TGFBR3: variants seen among roughly 807,000 people sequenced by gnomAD.
The protein encoded by TGFBR3 is transforming growth factor beta receptor type 3.
TGFBR3 carries 46 observed loss-of-function variants against 87.9 expected under a neutral mutation model. That is an observed-to-expected ratio of 0.52 (90% confidence interval 0.41 to 0.67). TGFBR3 has a LOEUF of 0.67. Ranked by LOEUF, TGFBR3 falls within the 30% of genes least tolerant of loss-of-function variation. The pLI is 0.00. For synonymous variants in TGFBR3, 381 were observed against 391.6 expected, an observed-to-expected ratio of 0.97 and a Z score of 0.32; for missense variants, 866 against 1,041.9, an observed-to-expected ratio of 0.83 and a Z score of 2.32.
chr1:91,845,730 A>T (rs1677442996), intron 2 of TGFBR3, among the ~76,000 whole-genome samples: 1 of 152,202 alleles, frequency 6.6e-6, no homozygotes, highest in Non-Finnish European at 1.5e-5. Flanking sequence ...TTTTTTAAAC[A>T]GCATCTTCCA....
rs115255978 is a variant in TGFBR3, at chr1:91,686,266, C to T, written c.2438-2409G>A. On this transcript the variant is annotated intron_variant, in intron 16 of 16. Coordinates refer to ENST00000212355, the MANE Select transcript of TGFBR3 (RefSeq NM_003243.5). Reference sequence around the variant, plus strand: ...GTTGCCATGTCAGTTTATTTTCATCCGTGCCCATTAAAGAGACCTTTCAAC... The same window carrying T: ...GTTGCCATGTCAGTTTATTTTCATCTGTGCCCATTAAAGAGACCTTTCAAC... 3.5e-3 allele frequency among the ~76,000 whole-genome samples: 540 copies of T among 152,296 alleles called. 3 individuals carry two copies. The highest frequency in any genetic ancestry group is 0.011 in the African/African-American group (469 of 41,546).
At chr1:91,854,109 A>C (rs1677846648) in intron 2 of TGFBR3, among the ~76,000 whole-genome samples, 2 of 152,164 alleles carry the variant, frequency 1.3e-5, no homozygotes, top group African/African-American at 4.8e-5. Flanking sequence ...TGTTGGTCAA[A>C]TATACAAAAT....
At chr1:91,702,721 T>A (rs984992277) in intron 14 of TGFBR3, among the ~76,000 whole-genome samples, 7 of 151,916 alleles carry the variant, frequency 4.6e-5, no homozygotes, top group Admixed American at 1.3e-4. Flanking sequence ...TGTATATATT[T>A]GAAATTTTTC....
chr1:91,880,418 T>C (rs1679033778), intron 1 of TGFBR3, among the ~76,000 whole-genome samples: 1 of 151,972 alleles, frequency 6.6e-6, no homozygotes, highest in East Asian at 1.9e-4. Flanking sequence ...GCTAACACGG[T>C]GAAACCCTGT....
At chr1:91,719,755 G>A in intron 9 of TGFBR3, 138 bp downstream of exon 9, 1 of 994,058 alleles carries the variant, frequency 1.0e-6, no homozygotes, top group Non-Finnish European at 1.6e-6. Flanking sequence ...AGGGGAAGTA[G>A]GCCCATCCAA....
intron 4 of TGFBR3, among the ~76,000 whole-genome samples, chr1:91,746,247 T>G (rs1673341385): frequency 6.6e-6 from 1 of 152,168 alleles, no homozygotes; most frequent in South Asian, 2.1e-4. Flanking sequence ...CATGTGAGTG[T>G]GTATATACAC....
At position 91,797,379 on chromosome 1, in the gene TGFBR3, A is replaced by G. The variant is rs1675431764; in HGVS notation, c.154T>C (p.Cys52Arg). 1 of 1,614,262 alleles carries G rather than the reference A, an allele frequency of 6.2e-7. No homozygotes were observed. The highest frequency in any genetic ancestry group is 8.5e-7 in the Non-Finnish European group (1 of 1,180,046). ...AGCCCAGTTGTGCCTCTGCTGGCAC[A>G]GCCTGACAAAACAGTGAAGCTCTCC... ...LMESFTVLSG[C>R]ASRGTTGLPQ... Residue 52 changes from cysteine to arginine, a missense_variant, in exon 3 of 17, where the codon TGT becomes CGT. Physicochemically the swap from Cys to Arg is radical, Grantham distance 180. Transcript: ENST00000212355.
intron 1 of TGFBR3, among the ~76,000 whole-genome samples, chr1:91,902,609 T>C (rs1679752442): frequency 6.6e-6 from 1 of 151,714 alleles, no homozygotes; most frequent in Non-Finnish European, 1.5e-5. Flanking sequence ...TTTTTTCTTT[T>C]CTTTCTTTTT....
intron 4 of TGFBR3, among the ~76,000 whole-genome samples, chr1:91,742,332 G>A (rs369143704): frequency 2.6e-5 from 4 of 152,276 alleles, no homozygotes. Context: ...GAATCCCTTG[G>A]GCCTGGCATA....
chr1:91,785,396 T>C (rs1674920037), intron 3 of TGFBR3, among the ~76,000 whole-genome samples: 1 of 152,234 alleles, frequency 6.6e-6, no homozygotes, highest in South Asian at 2.1e-4. Flanking sequence ...GATGGAAATG[T>C]TGTAAAATTA....
intron 1 of TGFBR3, among the ~76,000 whole-genome samples, chr1:91,904,479 C>A (rs1463790794): frequency 6.6e-6 from 1 of 151,574 alleles, no homozygotes; most frequent in African/African-American, 2.4e-5. Flanking sequence ...TCACTGCAAC[C>A]TCTGCCTCCC....
intron 3 of TGFBR3, among the ~76,000 whole-genome samples, chr1:91,762,821 A>C (rs913971598): frequency 6.6e-6 from 1 of 152,208 alleles, no homozygotes; most frequent in South Asian, 2.1e-4. Context: ...CAATTTTATA[A>C]AGAAATTCAA....
At chr1:91,838,626 T>A (rs1347117578) in intron 2 of TGFBR3, among the ~76,000 whole-genome samples, 3 of 51,286 alleles carry the variant, frequency 5.8e-5, no homozygotes, top group African/African-American at 1.0e-4. Context: ...ACCCGACTAA[T>A]TTTTTTTTTT....
At chr1:91,849,408 A>G (rs1274724719) in intron 2 of TGFBR3, among the ~76,000 whole-genome samples, 1 of 152,064 alleles carries the variant, frequency 6.6e-6, no homozygotes, top group Non-Finnish European at 1.5e-5. Context: ...CTGCAAGCAA[A>G]CTTCCACCAC....
chr1:91,784,973 C>G (rs1674903649), intron 3 of TGFBR3, among the ~76,000 whole-genome samples: 1 of 152,196 alleles, frequency 6.6e-6, no homozygotes, highest in Non-Finnish European at 1.5e-5. Context: ...GCAGGCCATG[C>G]AGGTCTCTGA....
intron 2 of TGFBR3, among the ~76,000 whole-genome samples, chr1:91,815,683 A>G (rs1676197280): frequency 6.6e-6 from 1 of 152,222 alleles, no homozygotes; most frequent in Non-Finnish European, 1.5e-5. Context: ...TTAATACTAC[A>G]TACCTTGCCA....
intron 2 of TGFBR3, among the ~76,000 whole-genome samples, chr1:91,819,734 C>G (rs1048796264): frequency 2.6e-5 from 4 of 152,136 alleles, no homozygotes; most frequent in Non-Finnish European, 5.9e-5. Flanking sequence ...GAGGCTTTAC[C>G]ACCCCCTCCC....
At chr1:91,787,956 A>AAAAAAAAAAAAAAAAAC (rs906528422) in intron 3 of TGFBR3, among the ~76,000 whole-genome samples, 52 of 150,132 alleles carry the variant, frequency 3.5e-4, no homozygotes, top group African/African-American at 1.3e-3. Flanking sequence ...AAAAAAAAAA[A>AAAAAAAAAAAAAAAAAC]CCCCAAGAAG....
intron 14 of TGFBR3, among the ~76,000 whole-genome samples, chr1:91,707,808 T>C (rs1173212807): frequency 2.0e-5 from 3 of 152,234 alleles, no homozygotes; most frequent in Admixed American, 6.5e-5. Context: ...ATGTGACATT[T>C]GGTTCCACCC....
Sources: allele counts gnomAD v4.1 joint callset (sites outside exome capture counted in the v4.1 genomes callset), GRCh38; gene constraint gnomAD v4.1.1; transcripts MANE v1.5; gene names NCBI Gene and HGNC (gene_info 2026-07-23, HGNC 2026-07-21).